The following SRRT variants were observed in gnomAD, a reference collection of about 807,000 sequenced individuals.
SRRT encodes the protein serrate, RNA effector molecule.
SRRT carries 32 observed loss-of-function variants against 103.2 expected under a neutral mutation model. The ratio of observed to expected loss-of-function variants is 0.31; its 90% CI spans 0.23 to 0.42. The LOEUF is 0.42. Ranked by LOEUF, SRRT falls within the 10% of genes least tolerant of loss-of-function variation. The pLI is 1.00. For missense variants in SRRT, 986 were observed against 1,207.5 expected, an observed-to-expected ratio of 0.82 and a Z score of 2.72; for synonymous variants, 525 against 449.0, an observed-to-expected ratio of 1.17 and a Z score of -2.14.
At chr7:100,878,763 T>C (rs187615822) in intron 2 of SRRT, among the ~76,000 whole-genome samples, 283 of 152,080 alleles carry the variant, frequency 1.9e-3, no homozygotes, top group Non-Finnish European at 2.9e-3. Flanking sequence ...GGCACGATCA[T>C]GGCCACAGAT....
At chr7:100,881,174 C>G in intron 2 of SRRT, 111 bp from the exon 3 acceptor site, 1 of 1,236,014 alleles carries the variant, frequency 8.1e-7, no homozygotes, top group Non-Finnish European at 1.1e-6. Context: ...CCAGGTTGGT[C>G]TCGAACTCCT....
In SRRT at chr7:100,877,202, C is replaced by G. The variant is rs115041850; in HGVS notation, c.122+1490C>G. Among the ~76,000 whole-genome samples, 950 of 151,300 alleles carry G rather than the reference C, an allele frequency of 6.3e-3. 6 individuals are homozygous for G. The highest frequency in any genetic ancestry group is 0.022 in the African/African-American group (897 of 41,278). ...CTTTGGGAGGCCGAGACGGGCAGAT[C>G]ACGAGATCGAGAGATTGAGACCATC... is the stretch of plus-strand genomic sequence containing the variant. On this transcript the variant is annotated intron_variant, in intron 2 of 19. Transcript: ENST00000611405.
rs1584742484 is a variant in SRRT at position 100,881,736 on chromosome 7, G to C, written c.329G>C (p.Gly110Ala). 1.9e-6 allele frequency: 3 copies of C among 1,613,768 alleles called. No individual in the cohort carries two copies. The highest frequency in any genetic ancestry group is 1.3e-5 in the African/African-American group (1 of 74,928). ...GGGGGGGGTGGGGGCCCAACTTATG[G>C]CCCCCCTCAGCCCTGGGGCCACCCT... ...YAGGGGGPTY[G>A]PPQPWGHPDV... The change falls in exon 4 of 20, where the codon GGC becomes GCC. Residue 110 changes from glycine (G) to alanine (A), a missense_variant. Around this residue, in one of 6 missense-constraint regions of SRRT, gnomAD observed 274 missense variants for 358.5 expected, o/e 0.76. Transcript: ENST00000611405.
Position 100,888,628 on chromosome 7 carries a change from G to T in SRRT, c.*79G>T, listed in dbSNP as rs114922826. ...ATGAAGCTCTGAGAATTTTTTGTAC[G>T]ATCAGCCTTACTGCTAATAAAAGCA... is the stretch of plus-strand genomic sequence containing the variant. On this transcript the variant is annotated 3_prime_UTR_variant, in exon 20 of 20. Coordinates refer to ENST00000611405, the MANE Select transcript of SRRT (RefSeq NM_015908.6). 201 of 1,577,336 alleles carry T rather than the reference G, an allele frequency of 1.3e-4. No individual in the cohort carries two copies. The African/African-American group carries it at 2.3e-3, about 18-fold the overall frequency.
In SRRT at chr7:100,887,853, G is replaced by A. The variant is rs572545803; in HGVS notation, c.2320G>A (p.Ala774Thr). 5.8e-5 allele frequency: 93 copies of A among 1,603,120 alleles called. No individual in the cohort carries two copies. The highest frequency in any genetic ancestry group is 4.7e-4 in the South Asian group (43 of 90,854). The change falls in exon 17 of 20, where the codon GCC (alanine) becomes ACC (threonine). Residue 774 changes from alanine (A) to threonine (T), a missense_variant. Around this residue, in one of 6 missense-constraint regions of SRRT, gnomAD observed 178 missense variants for 189.6 expected, o/e 0.94. Transcript: ENST00000611405. This position sits in a 1 kb window ranked among gnomAD's most constrained non-coding sequence, Gnocchi z 4.1. ...CAAGCCAGCCCAGCCACCTGGCCCCGCCCAGAGTAAGATACGATCCATGAA... is the reference window on the plus strand; with the variant it reads ...CAAGCCAGCCCAGCCACCTGGCCCCACCCAGAGTAAGATACGATCCATGAA... ...EIKPAQPPGP[A>T]QILPPGLTPG... is the part of the protein sequence containing the mutation.
Position 100,887,587 on chromosome 7 carries a change from G to T in SRRT, c.2169+74G>T. On this transcript the variant is annotated intron_variant, in intron 16 of 19. Coordinates refer to ENST00000611405, the MANE Select transcript of SRRT (RefSeq NM_015908.6). The surrounding 1 kb of genome is among the most constrained non-coding windows in gnomAD (Gnocchi z 4.1). ...TGAGACAGGAAGCCCCCTGGGCAGG[G>T]GTGGGGGAACTGCTTACTGCACTGG... 1 of 1,586,222 alleles carries T rather than the reference G, an allele frequency of 6.3e-7. No homozygotes were observed. The highest frequency in any genetic ancestry group is 8.6e-7 in the Non-Finnish European group (1 of 1,164,002).
rs1563024110 is a variant in SRRT, at chr7:100,886,892, G to T, written c.1745G>T (p.Gly582Val). 6.2e-7 allele frequency: 1 copy of T among 1,613,992 alleles called. No homozygotes were observed. Among genetic ancestry groups the T allele is most frequent in the Non-Finnish European group, 8.5e-7 (1 of 1,180,000 alleles). ...GAGGAGCTGCTGGGGAGCAGCGGGGGCGCTCCTCCTGAGGAGCCTCCTAAG... is the reference window on the plus strand; with the variant it reads ...GAGGAGCTGCTGGGGAGCAGCGGGGTCGCTCCTCCTGAGGAGCCTCCTAAG... ...EEEELLGSSG[G>V]APPEEPPKEG... The change falls in exon 14 of 20, where the codon GGC (glycine) becomes GTC (valine). Residue 582 changes from glycine to valine, a missense_variant. Physicochemically the swap from Gly to Val is moderately radical, Grantham distance 109. Around this residue, in one of 6 missense-constraint regions of SRRT, gnomAD observed 349 missense variants for 446.9 expected, o/e 0.78. Transcript: ENST00000611405.
In SRRT at chr7:100,884,414, G is replaced by A; in HGVS notation, c.804G>A (p.Leu268=). 6.2e-7 allele frequency: 1 copy of A among 1,613,550 alleles called. No homozygotes were observed. Among genetic ancestry groups the A allele is most frequent in the Non-Finnish European group, 8.5e-7 (1 of 1,179,716 alleles). The change falls in exon 7 of 20, where the codon CTG becomes CTA. Residue 268 remains leucine, a synonymous_variant. Coordinates refer to ENST00000611405, the MANE Select transcript of SRRT (RefSeq NM_015908.6). ...GCACGGAGAATGATCTTCGCATCCTGGAGCAGGAGGAGGAGGAGGAGCAGG... is the reference window on the plus strand; with the variant it reads ...GCACGGAGAATGATCTTCGCATCCTAGAGCAGGAGGAGGAGGAGGAGCAGG... The part of the protein sequence containing the change: ...EGGTENDLRI[L]EQEEEEEQAG...
At chr7:100,881,166 A>T in intron 2 of SRRT, 119 bp from the exon 3 acceptor site, 1 of 1,062,918 alleles carries the variant, frequency 9.4e-7, no homozygotes, top group Non-Finnish European at 1.4e-6. Context: ...ACTATTGCCC[A>T]GGTTGGTCTC....
intron 2 of SRRT, among the ~76,000 whole-genome samples, chr7:100,876,868 A>G (rs919416993): frequency 6.6e-5 from 10 of 152,206 alleles, no homozygotes; most frequent in African/African-American, 2.4e-4. Context: ...AGACTTGGAA[A>G]GATGAGTGGG....
intron 3 of SRRT, 65 bp from the exon 4 acceptor site, chr7:100,881,594 C>T: frequency 2.5e-6 from 4 of 1,605,702 alleles, no homozygotes; most frequent in Non-Finnish European, 3.4e-6. Context: ...CCCCGTCTGT[C>T]CATCCTCCAT....
Position 100,881,398 on chromosome 7 carries a change from G to A in SRRT, c.236G>A (p.Arg79His), listed in dbSNP as rs1443871777. The A allele has an allele frequency of 1.9e-6, 3 of 1,613,056 alleles. No homozygotes were observed. Among genetic ancestry groups the A allele is most frequent in the Non-Finnish European group, 8.5e-7 (1 of 1,179,222 alleles). The change falls in exon 3 of 20, where the codon CGC becomes CAC. Residue 79 changes from arginine to histidine, a missense_variant. This residue lies in a region of SRRT where 274 missense variants were observed against 358.5 expected (regional missense o/e 0.76). Coordinates refer to ENST00000611405, the MANE Select transcript of SRRT (RefSeq NM_015908.6). Reference protein sequence around the residue: ...PRHELSPPQKRMRRDWDEHSS... With the variant: ...PRHELSPPQKHMRRDWDEHSS... ...CACGAACTCAGCCCGCCACAGAAGC[G>A]CATGAGGAGAGACTGGTGAGATGGA...
chr7:100,882,191 C>T lies in SRRT; in HGVS notation c.537C>T (p.Phe179=), dbSNP rs757030680. The T allele has an allele frequency of 6.2e-7, 1 of 1,614,186 alleles. No individual in the cohort carries two copies. The highest frequency in any genetic ancestry group is 1.1e-5 in the South Asian group (1 of 91,090). Residue 179 remains phenylalanine (F), a synonymous_variant, in exon 5 of 20, where the codon TTC becomes TTT. Transcript: ENST00000611405. The surrounding 1 kb of genome is among the most constrained non-coding windows in gnomAD (Gnocchi z 4.2). Reference sequence around the variant, plus strand: ...GCTATAATGACTACAAGCTGGATTTCCGGAGGCAACAGATGCAGGATTTCT... The same window carrying T: ...GCTATAATGACTACAAGCTGGATTTTCGGAGGCAACAGATGCAGGATTTCT... The part of the protein sequence containing the change: ...VKRYNDYKLD[F]RRQQMQDFFL...
In SRRT at chr7:100,885,198, C is replaced by G. The variant is rs370588625; in HGVS notation, c.1160-15C>G. 6.2e-7 allele frequency: 1 copy of G among 1,611,150 alleles called. No homozygotes were observed. The highest frequency in any genetic ancestry group is 8.5e-7 in the Non-Finnish European group (1 of 1,178,370). ...AAAAATGCACCAACTCCTTCCTACC[C>G]CCCTTCCTGCCTAGAAGAAGCGCTC... On this transcript the variant is annotated splice_polypyrimidine_tract_variant and intron_variant, in intron 9 of 19. Transcript: ENST00000611405. This position sits in a 1 kb window ranked among gnomAD's most constrained non-coding sequence, Gnocchi z 4.8.
Position 100,875,280 on chromosome 7 carries a change from G to C in SRRT, c.-67G>C, listed in dbSNP as rs1045749676. On this transcript the variant is annotated 5_prime_UTR_variant, in exon 1 of 20. Transcript: ENST00000611405. ...GCGCGCCCGCGACCCAGGTCGCCCT[G>C]AAATCTAGCCCGTCCGAGCGCGAGT... The C allele has an allele frequency of 7.2e-6, 6 of 829,778 alleles. No individual in the cohort carries two copies. In the African/African-American group the frequency reaches 9.1e-5, roughly 13 times the overall value. The allele number at this position is 829,778 out of a possible 1,614,324, so 51.4% of individuals were successfully genotyped here. A position where few individuals can be genotyped will look rare whatever the true frequency, so the allele number is the denominator to read the frequency against.
At chr7:100,883,494 A>T (rs1789777730) in intron 5 of SRRT, among the ~76,000 whole-genome samples, 1 of 152,116 alleles carries the variant, frequency 6.6e-6, no homozygotes, top group Admixed American at 6.5e-5. Flanking sequence ...GAGGCTCTAA[A>T]GGGCACTCCA....
Position 100,886,237 on chromosome 7 carries a change from T to C in SRRT, c.1459-10T>C. ...AGTGGGGTAAGCTGCTGATGATGTC[T>C]GCCCTCCAGCTCCGGGAGTGTGAGC... On this transcript the variant is annotated splice_polypyrimidine_tract_variant and intron_variant, in intron 12 of 19. Transcript: ENST00000611405. 1 of 1,608,014 alleles carries C rather than the reference T, an allele frequency of 6.2e-7. No homozygotes were observed. The highest frequency in any genetic ancestry group is 8.5e-7 in the Non-Finnish European group (1 of 1,177,214).
In SRRT at chr7:100,887,251, C is replaced by A; in HGVS notation, c.1975+51C>A. 6.2e-7 allele frequency: 1 copy of A among 1,611,706 alleles called. No homozygotes were observed. The highest frequency in any genetic ancestry group is 8.5e-7 in the Non-Finnish European group (1 of 1,178,218). On this transcript the variant is annotated intron_variant, in intron 15 of 19. Transcript: ENST00000611405. This position sits in a 1 kb window ranked among gnomAD's most constrained non-coding sequence, Gnocchi z 4.1. Reference sequence around the variant, plus strand: ...CCGGCTGCCCCTGGCCTTGGTCCTCCAGCCCCTTGCCACCATCCTTCCTTC... The same window carrying A: ...CCGGCTGCCCCTGGCCTTGGTCCTCAAGCCCCTTGCCACCATCCTTCCTTC...
intron 4 of SRRT, 76 bp from the exon 5 acceptor site, chr7:100,881,977 G>A (rs560655612): frequency 6.5e-7 from 1 of 1,531,994 alleles, no homozygotes; most frequent in South Asian, 1.3e-5. Context: ...AAGTAAAGGG[G>A]CCCCAGCTAC....
Sources: allele counts gnomAD v4.1 joint callset (sites outside exome capture counted in the v4.1 genomes callset), GRCh38; gene constraint gnomAD v4.1.1; regional missense constraint gnomAD v4.1.1; non-coding constraint Gnocchi (gnomAD v3.1); transcripts MANE v1.5; gene names NCBI Gene and HGNC (gene_info 2026-07-23, HGNC 2026-07-21).